PTH2R: variants seen among roughly 807,000 people sequenced by gnomAD.
PTH2R encodes the protein PTH2 receptor.
Under a neutral mutation model 60.3 loss-of-function variants are expected in PTH2R, and 59 were observed. The observed-to-expected ratio is 0.98, with a 90% CI of 0.79 to 1.22. The LOEUF (loss-of-function observed/expected upper bound fraction) is 1.22, where lower values mean the gene tolerates loss of function less well. Ranked by LOEUF, PTH2R falls within the 50% of genes most tolerant of loss-of-function variation. PTH2R has a pLI of 0.00. For missense variants in PTH2R, 749 were observed against 682.6 expected (o/e 1.10, Z -1.08); for synonymous variants, 256 against 243.8 (o/e 1.05, Z -0.47).
intron 1 of PTH2R, among the ~76,000 whole-genome samples, chr2:208,408,084 A>G (rs1418870849): frequency 2.0e-5 from 3 of 152,238 alleles, no homozygotes; most frequent in Admixed American, 2.0e-4. Context: ...TCATAACCAG[A>G]GACATTAAAA....
In PTH2R at chr2:208,459,941, C is replaced by T. The variant is rs761082472; in HGVS notation, c.961C>T (p.Pro321Ser). 6.2e-7 allele frequency: 1 copy of T among 1,612,872 alleles called. No homozygotes were observed. Among genetic ancestry groups the T allele is most frequent in the Non-Finnish European group, 8.5e-7 (1 of 1,179,308 alleles). The change falls in exon 9 of 13, where the codon CCG becomes TCG. Residue 321 changes from proline (P) to serine (S), a missense_variant. By Grantham distance (74) the Pro-to-Ser change is moderately conservative (BLOSUM62 -1). Coordinates refer to ENST00000272847, the MANE Select transcript of PTH2R (RefSeq NM_005048.4). ...AGACATCAAGTGGATTTATCAAGCA[C>T]CGATCTTAGCAGCTATTGGGGTAAG... ...AGDIKWIYQA[P>S]ILAAIGLNFI...
chr2:208,387,475 C>A (rs1254025152), intron 1 of PTH2R, among the ~76,000 whole-genome samples: 1 of 152,188 alleles, frequency 6.6e-6, no homozygotes, highest in African/African-American at 2.4e-5. Context: ...TCATACTATA[C>A]TTTTTGTCCC....
intron 12 of PTH2R, among the ~76,000 whole-genome samples, chr2:208,491,003 TG>T (rs1703392600): frequency 1.3e-5 from 2 of 152,248 alleles, no homozygotes; most frequent in South Asian, 4.1e-4. Context: ...TTTTAAGTTC[TG>T]TACAAAACTT....
intron 11 of PTH2R, 116 bp from the exon 12 acceptor site, chr2:208,490,522 TA>T: frequency 1.2e-6 from 1 of 846,184 alleles, no homozygotes; most frequent in Non-Finnish European, 1.9e-6. Context: ...AATTTGTATA[TA>T]ATTCTCTGAA....
At chr2:208,454,549 T>C (rs899395829) in intron 8 of PTH2R, among the ~76,000 whole-genome samples, 2 of 152,196 alleles carry the variant, frequency 1.3e-5, no homozygotes, top group Admixed American at 6.5e-5. Context: ...AACAGGACCA[T>C]GCTGGCACCC....
At chr2:208,427,136 T>C (rs531190553) in intron 1 of PTH2R, among the ~76,000 whole-genome samples, 41 of 152,326 alleles carry the variant, frequency 2.7e-4, no homozygotes, top group Non-Finnish European at 4.9e-4. Context: ...GAATCAAATG[T>C]ATAGTTCTGA....
At chr2:208,420,964 A>G (rs915675695) in intron 1 of PTH2R, among the ~76,000 whole-genome samples, 5 of 152,190 alleles carry the variant, frequency 3.3e-5, no homozygotes, top group African/African-American at 1.2e-4. Flanking sequence ...CCTGGCAACT[A>G]CTAATTGGTT....
intron 9 of PTH2R, among the ~76,000 whole-genome samples, chr2:208,463,414 T>C (rs574442394): frequency 6.6e-6 from 1 of 152,162 alleles, no homozygotes; most frequent in South Asian, 2.1e-4. Context: ...GGTTACAGCA[T>C]AGGCTCTGGG....
chr2:208,449,454 A>ATAGATAGATAG (rs371109380), intron 7 of PTH2R, among the ~76,000 whole-genome samples: 22,471 of 150,278 alleles, frequency 0.15, 1,957 homozygotes, highest in East Asian at 0.25. Flanking sequence ...TAGATAGATA[A>ATAGATAGATAG]ATAGATAGAT....
chr2:208,482,271 C>G (rs1467998515), intron 10 of PTH2R, among the ~76,000 whole-genome samples: 1 of 152,228 alleles, frequency 6.6e-6, no homozygotes, highest in Non-Finnish European at 1.5e-5. Flanking sequence ...TCTCTTTGTT[C>G]CCAGGCGGAT....
intron 1 of PTH2R, among the ~76,000 whole-genome samples, chr2:208,375,239 G>T (rs927746480): frequency 6.6e-6 from 1 of 152,038 alleles, no homozygotes; most frequent in Non-Finnish European, 1.5e-5. Flanking sequence ...ACTTGATGCA[G>T]TCTCTTTGTA....
At chr2:208,477,413 G>C (rs1703030377) in intron 9 of PTH2R, among the ~76,000 whole-genome samples, 1 of 152,084 alleles carries the variant, frequency 6.6e-6, no homozygotes, top group Admixed American at 6.5e-5. Flanking sequence ...TGGCTGAAAT[G>C]TTTTCTTTGT....
At chr2:208,410,145 A>C (rs1424237925) in intron 1 of PTH2R, among the ~76,000 whole-genome samples, 2 of 152,176 alleles carry the variant, frequency 1.3e-5, no homozygotes, top group Non-Finnish European at 2.9e-5. Flanking sequence ...CTACTAGAAA[A>C]TCAGAAATCT....
intron 2 of PTH2R, among the ~76,000 whole-genome samples, chr2:208,434,021 C>A (rs1450757179): frequency 6.6e-6 from 1 of 152,184 alleles, no homozygotes; most frequent in Non-Finnish European, 1.5e-5. Context: ...CTAGTTAAGA[C>A]CTCTATTTTT....
At chr2:208,475,883 CA>C (rs1559231233) in intron 9 of PTH2R, among the ~76,000 whole-genome samples, 1 of 152,140 alleles carries the variant, frequency 6.6e-6, no homozygotes, top group African/African-American at 2.4e-5. Flanking sequence ...TGGGTTTGCT[CA>C]TTGTATCAGT....
chr2:208,370,395 A>T (rs1354127235), intron 1 of PTH2R, among the ~76,000 whole-genome samples: 4 of 140,862 alleles, frequency 2.8e-5, no homozygotes, highest in African/African-American at 8.0e-5. Context: ...GTGAGCAGAG[A>T]TCACACCACT....
At chr2:208,445,266 T>C (rs943144085) in intron 7 of PTH2R, among the ~76,000 whole-genome samples, 1 of 152,184 alleles carries the variant, frequency 6.6e-6, no homozygotes, top group African/African-American at 2.4e-5. Flanking sequence ...AATGATATAT[T>C]TTTGGTTTGT....
At chr2:208,378,464 C>T (rs970391385) in intron 1 of PTH2R, among the ~76,000 whole-genome samples, 4 of 152,056 alleles carry the variant, frequency 2.6e-5, no homozygotes, top group African/African-American at 9.7e-5. Flanking sequence ...TTCCGTAGTT[C>T]CTCCCAAAAT....
rs150516304 is a variant in PTH2R at position 208,407,076 on chromosome 2, G to A, written c.33G>A (p.Trp11Ter). The A allele has an allele frequency of 1.4e-6, 2 of 1,397,694 alleles. No homozygotes were observed. Among genetic ancestry groups the A allele is most frequent in the African/African-American group, 3.0e-5 (2 of 66,986 alleles). 86.6% of individuals were successfully genotyped at this position (1,397,694 alleles called of 1,614,324 possible). Residue 11 changes from tryptophan to a stop codon, truncating the protein, a stop_gained, in exon 1 of 13, where the codon TGG becomes TGA. Coordinates refer to ENST00000272847, the MANE Select transcript of PTH2R (RefSeq NM_005048.4). LOFTEE classifies it high-confidence loss of function. ...GGCTGGGGGCGTCGCTCCACGTCTGGGGTTGGCTAATGCTCGGCAGCTGCC... is the reference window on the plus strand; with the variant it reads ...GGCTGGGGGCGTCGCTCCACGTCTGAGGTTGGCTAATGCTCGGCAGCTGCC... MAGLGASLHV[W>*]GWLMLGSCLL...
Sources: allele counts gnomAD v4.1 joint callset (sites outside exome capture counted in the v4.1 genomes callset), GRCh38; gene constraint gnomAD v4.1.1; transcripts MANE v1.5; gene names NCBI Gene and HGNC (gene_info 2026-07-23, HGNC 2026-07-21).